GNA14: variants seen among roughly 807,000 people sequenced by gnomAD.
The protein encoded by GNA14 is guanine nucleotide-binding protein subunit alpha-14.
Under a neutral mutation model 42.0 loss-of-function variants are expected in GNA14, and 50 were observed. That is an observed-to-expected ratio of 1.19 (90% CI 0.95 to 1.51). The LOEUF (loss-of-function observed/expected upper bound fraction) is 1.51, where lower values mean the gene tolerates loss of function less well. GNA14 is among the 40% of genes most tolerant of loss of function. The pLI, the probability that GNA14 is intolerant of heterozygous loss-of-function variation, is 0.00. For missense variants in GNA14, 473 were observed against 446.2 expected (o/e 1.06, Z -0.54); for synonymous variants, 173 against 163.1 (o/e 1.06, Z -0.46).
chr9:77,475,814 G>A (rs1160448768), intron 2 of GNA14, among the ~76,000 whole-genome samples: 1 of 152,156 alleles, frequency 6.6e-6, no homozygotes, highest in South Asian at 2.1e-4. Flanking sequence ...GACATATCTG[G>A]AAAGGAGACC....
intron 2 of GNA14, among the ~76,000 whole-genome samples, chr9:77,490,915 T>C (rs1291302096): frequency 6.6e-6 from 1 of 152,208 alleles, no homozygotes; most frequent in Non-Finnish European, 1.5e-5. Flanking sequence ...GAGCAAGGGC[T>C]GTGAGGACTG....
At chr9:77,478,848 A>G (rs942077649) in intron 2 of GNA14, among the ~76,000 whole-genome samples, 7 of 152,062 alleles carry the variant, frequency 4.6e-5, no homozygotes, top group Non-Finnish European at 1.0e-4. Flanking sequence ...GTCTGTTCAT[A>G]TCCTTTGCCC....
chr9:77,549,587 T>C (rs1837765151), intron 1 of GNA14, among the ~76,000 whole-genome samples: 1 of 152,192 alleles, frequency 6.6e-6, no homozygotes, highest in Non-Finnish European at 1.5e-5. Flanking sequence ...TTGTATTTTG[T>C]ATCCTCCCAC....
intron 2 of GNA14, among the ~76,000 whole-genome samples, chr9:77,461,573 G>C (rs936384373): frequency 6.6e-6 from 1 of 152,072 alleles, no homozygotes; most frequent in African/African-American, 2.4e-5. Flanking sequence ...TTATCAGAAG[G>C]GGTAAATGAC....
chr9:77,544,404 T>C (rs2131777897), intron 1 of GNA14, among the ~76,000 whole-genome samples: 1 of 152,278 alleles, frequency 6.6e-6, no homozygotes, highest in East Asian at 1.9e-4. Context: ...TCATTTCATT[T>C]GTAAGAAGGG....
At chr9:77,616,362 AAT>A (rs1162840692) in intron 1 of GNA14, among the ~76,000 whole-genome samples, 1 of 152,236 alleles carries the variant, frequency 6.6e-6, no homozygotes, top group Admixed American at 6.5e-5. Context: ...GGCACTGACT[AAT>A]CAGAACGGAT....
rs1350119444 is a variant in GNA14, at chr9:77,529,136, G to T, written c.242C>A (p.Thr81Asn). Residue 81 changes from threonine to asparagine, a missense_variant, in exon 2 of 7, where the codon ACC (threonine) becomes AAC (asparagine). By Grantham distance (65) the Thr-to-Asn change is moderately conservative. Transcript: ENST00000341700. ...CGCTCTGATCATGGCTTGCATGGCG[G>T]TGAATATGTTTTGGTAAACCAGCTT... Reference protein sequence around the residue: ...FTKLVYQNIFTAMQAMIRAMD... With the variant: ...FTKLVYQNIFNAMQAMIRAMD... 5 of 1,614,140 alleles carry T rather than the reference G, an allele frequency of 3.1e-6. No homozygotes were observed. In the Admixed American group the frequency reaches 6.7e-5, roughly 22 times the overall value.
At chr9:77,506,029 C>T (rs894636791) in intron 2 of GNA14, among the ~76,000 whole-genome samples, 3 of 151,254 alleles carry the variant, frequency 2.0e-5, no homozygotes, top group Non-Finnish European at 2.9e-5. Context: ...TTTGGAAGGC[C>T]GAGGTGGGAG....
chr9:77,506,541 G>A (rs370983457), intron 2 of GNA14, among the ~76,000 whole-genome samples: 63 of 152,038 alleles, frequency 4.1e-4, no homozygotes, highest in African/African-American at 1.4e-3. Context: ...GCTGGGCTTG[G>A]TGGCACATGT....
At chr9:77,578,081 CATGGTGAA>C (rs59554073) in intron 1 of GNA14, among the ~76,000 whole-genome samples, 19,499 of 151,880 alleles carry the variant, frequency 0.13, 2,986 homozygotes, top group African/African-American at 0.37. Flanking sequence ...TCCTAGCCAA[CATGGTGAA>C]ATGGTGAAAC....
chr9:77,605,330 A>G (rs577977192), intron 1 of GNA14, among the ~76,000 whole-genome samples: 46 of 152,306 alleles, frequency 3.0e-4, no homozygotes, highest in African/African-American at 1.1e-3. Flanking sequence ...TTGGAATAAG[A>G]TTTCTATACA....
At chr9:77,534,547 T>A (rs139908269) in intron 1 of GNA14, among the ~76,000 whole-genome samples, 251 of 152,306 alleles carry the variant, frequency 1.6e-3, no homozygotes, top group African/African-American at 5.8e-3. Context: ...CATCTCCCAA[T>A]TGTGATGTGT....
At chr9:77,603,971 A>ACAAAC (rs1564064431) in intron 1 of GNA14, among the ~76,000 whole-genome samples, 1 of 147,294 alleles carries the variant, frequency 6.8e-6, no homozygotes, top group African/African-American at 2.5e-5. Flanking sequence ...AAAAAAAAAA[A>ACAAAC]AAAAAAAAAA....
At chr9:77,453,732 G>C (rs1212073501) in intron 2 of GNA14, among the ~76,000 whole-genome samples, 2 of 152,208 alleles carry the variant, frequency 1.3e-5, no homozygotes, top group African/African-American at 4.8e-5. Context: ...GCAAACCTGA[G>C]CAATCATAAG....
At chr9:77,533,329 G>T (rs1361119842) in intron 1 of GNA14, among the ~76,000 whole-genome samples, 1 of 152,142 alleles carries the variant, frequency 6.6e-6, no homozygotes, top group Non-Finnish European at 1.5e-5. Flanking sequence ...AGAGGCGTGT[G>T]CCACCACACC....
chr9:77,522,607 G>A (rs1445383860), intron 2 of GNA14, among the ~76,000 whole-genome samples: 5 of 152,200 alleles, frequency 3.3e-5, no homozygotes, highest in Non-Finnish European at 7.3e-5. Context: ...TTCAAATTAT[G>A]TTAAGACACA....
chr9:77,591,918 G>T (rs974089767), intron 1 of GNA14, among the ~76,000 whole-genome samples: 137 of 140,282 alleles, frequency 9.8e-4, no homozygotes, highest in Non-Finnish European at 1.5e-3. Flanking sequence ...TTGTTTTTTG[G>T]TTTTTTTTTT....
intron 1 of GNA14, among the ~76,000 whole-genome samples, chr9:77,597,924 C>T (rs969099689): frequency 2.0e-5 from 3 of 151,894 alleles, no homozygotes; most frequent in East Asian, 3.9e-4. Flanking sequence ...ATTAGCTGGG[C>T]GTGGTGGTGC....
chr9:77,589,951 C>A (rs369042398), intron 1 of GNA14, among the ~76,000 whole-genome samples: 28 of 152,278 alleles, frequency 1.8e-4, no homozygotes, highest in East Asian at 7.7e-4. Flanking sequence ...GAGTCTTGCT[C>A]TGTCACCCAG....
Sources: allele counts gnomAD v4.1 joint callset (sites outside exome capture counted in the v4.1 genomes callset), GRCh38; gene constraint gnomAD v4.1.1; transcripts MANE v1.5; gene names NCBI Gene and HGNC (gene_info 2026-07-23, HGNC 2026-07-21).